SOCS5: variants seen among roughly 807,000 people sequenced by gnomAD.
The protein encoded by SOCS5 is CIS-6.
In SOCS5, 32 loss-of-function variants were observed where a neutral mutation model predicts 42.8. The ratio of observed to expected loss-of-function variants is 0.75; its 90% CI spans 0.56 to 1.01. The LOEUF (loss-of-function observed/expected upper bound fraction) is 1.01, where lower values mean the gene tolerates loss of function less well. Among genes scored for constraint, SOCS5 ranks in the 50% least tolerant of loss-of-function variants. SOCS5 has a pLI of 0.00. For synonymous variants in SOCS5, 283 were observed against 229.6 expected (o/e 1.23, Z -2.10); for missense variants, 627 against 653.0 (o/e 0.96, Z 0.43).
intron 1 of SOCS5, among the ~76,000 whole-genome samples, chr2:46,707,906 A>G (rs905593379): frequency 1.3e-5 from 2 of 152,258 alleles, no homozygotes; most frequent in African/African-American, 4.8e-5. Flanking sequence ...TGCTCAGAGC[A>G]CTTGCATTAG....
At chr2:46,725,448 C>G (rs1396588992) in intron 1 of SOCS5, among the ~76,000 whole-genome samples, 3 of 151,956 alleles carry the variant, frequency 2.0e-5, no homozygotes, top group African/African-American at 4.8e-5. Context: ...TCTTTTCCCC[C>G]TTCCTGCTGT....
At chr2:46,747,186 G>C (rs886117963) in intron 1 of SOCS5, among the ~76,000 whole-genome samples, 1 of 151,896 alleles carries the variant, frequency 6.6e-6, no homozygotes, top group African/African-American at 2.4e-5. Flanking sequence ...TTTCTTCTTA[G>C]TTTTTAAATT....
chr2:46,706,116 T>C (rs560943152), intron 1 of SOCS5, among the ~76,000 whole-genome samples: 2 of 152,336 alleles, frequency 1.3e-5, no homozygotes, highest in African/African-American at 4.8e-5. Flanking sequence ...ATAAAAATTA[T>C]AAAGGGGTTA....
At chr2:46,747,944 T>A (rs543070863) in intron 1 of SOCS5, among the ~76,000 whole-genome samples, 199 of 152,320 alleles carry the variant, frequency 1.3e-3, no homozygotes, top group Middle Eastern at 3.4e-3. Context: ...AAACTAAAGA[T>A]TTCTTGATTG....
At chr2:46,740,040 T>A (rs1440411608) in intron 1 of SOCS5, among the ~76,000 whole-genome samples, 1 of 152,228 alleles carries the variant, frequency 6.6e-6, no homozygotes, top group East Asian at 1.9e-4. Flanking sequence ...TATACTAGAA[T>A]TCTAGGGAAC....
intron 1 of SOCS5, among the ~76,000 whole-genome samples, chr2:46,701,241 C>T (rs1414687742): frequency 6.6e-6 from 1 of 152,200 alleles, no homozygotes. Context: ...TCCCCTATCA[C>T]CTTTGTTTAG....
Position 46,761,970 on chromosome 2 carries a change from C to G in SOCS5, c.*1829C>G, listed in dbSNP as rs1444081632. On this transcript the variant is annotated 3_prime_UTR_variant, in exon 2 of 2. Transcript: ENST00000394861. ...GAGTATCTGTAACCTCCCACTGCAT[C>G]AGAAGCAGGTTAAATGAAGTCTTGT... 6.0e-6 allele frequency: 1 copy of G among 166,942 alleles called. No individual in the cohort carries two copies. The highest frequency in any genetic ancestry group is 1.5e-5 in the Non-Finnish European group (1 of 68,048). 10.3% of individuals were successfully genotyped at this position (166,942 alleles called of 1,614,324 possible). A position where few individuals can be genotyped will look rare whatever the true frequency, so the allele number is the denominator to read the frequency against.
At chr2:46,702,648 C>T (rs1231882844) in intron 1 of SOCS5, among the ~76,000 whole-genome samples, 1 of 152,142 alleles carries the variant, frequency 6.6e-6, no homozygotes, top group African/African-American at 2.4e-5. Context: ...TTCTATTAAA[C>T]GAATATTTTG....
chr2:46,746,361 A>G (rs1464255141), intron 1 of SOCS5, among the ~76,000 whole-genome samples: 1 of 152,070 alleles, frequency 6.6e-6, no homozygotes. Flanking sequence ...TGGAGTATAG[A>G]AATATTCCAT....
intron 1 of SOCS5, among the ~76,000 whole-genome samples, chr2:46,727,974 C>T (rs562648696): frequency 6.6e-6 from 1 of 152,296 alleles, no homozygotes; most frequent in South Asian, 2.1e-4. Context: ...TGCCTACTCT[C>T]TTGAAACAAC....
At chr2:46,741,134 T>A (rs1192231908) in intron 1 of SOCS5, among the ~76,000 whole-genome samples, 1 of 152,226 alleles carries the variant, frequency 6.6e-6, no homozygotes, top group African/African-American at 2.4e-5. Context: ...TTGCTTCATC[T>A]TTAAAAAGTT....
intron 1 of SOCS5, among the ~76,000 whole-genome samples, chr2:46,714,184 C>T (rs1370428740): frequency 2.0e-5 from 3 of 152,200 alleles, no homozygotes; most frequent in Non-Finnish European, 4.4e-5. Flanking sequence ...TTATATCTTA[C>T]ATCTTTACTG....
intron 1 of SOCS5, among the ~76,000 whole-genome samples, chr2:46,730,706 A>G (rs4952843): frequency 0.28 from 43,171 of 152,178 alleles, 7,409 homozygotes; most frequent in Non-Finnish European, 0.38. Context: ...TTCCTAGAAG[A>G]CATTTTATAT....
intron 1 of SOCS5, among the ~76,000 whole-genome samples, chr2:46,728,170 G>C (rs1673038639): frequency 6.6e-6 from 1 of 152,068 alleles, no homozygotes. Context: ...GATACAAGAG[G>C]AGAAAAAAGT....
intron 1 of SOCS5, among the ~76,000 whole-genome samples, chr2:46,713,183 C>G (rs569728232): frequency 6.6e-6 from 1 of 152,076 alleles, no homozygotes; most frequent in Admixed American, 6.5e-5. Flanking sequence ...TAGGCAGACC[C>G]CATCTCTACC....
chr2:46,729,447 T>C (rs1258297598), intron 1 of SOCS5, among the ~76,000 whole-genome samples: 1 of 152,208 alleles, frequency 6.6e-6, no homozygotes, highest in Non-Finnish European at 1.5e-5. Context: ...TAGCGTACTA[T>C]ACACCTAGGC....
intron 1 of SOCS5, among the ~76,000 whole-genome samples, chr2:46,737,502 CAAT>C (rs1673279647): frequency 6.6e-6 from 1 of 152,064 alleles, no homozygotes; most frequent in Non-Finnish European, 1.5e-5. Flanking sequence ...AGTTTGGTGA[CAAT>C]AATTATTTTT....
intron 1 of SOCS5, among the ~76,000 whole-genome samples, chr2:46,706,961 T>C (rs1182071547): frequency 6.6e-6 from 1 of 152,154 alleles, no homozygotes; most frequent in African/African-American, 2.4e-5. Flanking sequence ...ATTATAAGGA[T>C]CACGTGAGTA....
intron 1 of SOCS5, among the ~76,000 whole-genome samples, chr2:46,732,358 A>T (rs998352317): frequency 2.9e-4 from 44 of 152,086 alleles, no homozygotes; most frequent in African/African-American, 1.0e-3. Context: ...TTGCCGAATG[A>T]GTGTAGTAAT....
Sources: allele counts gnomAD v4.1 joint callset (sites outside exome capture counted in the v4.1 genomes callset), GRCh38; gene constraint gnomAD v4.1.1; transcripts MANE v1.5; gene names NCBI Gene and HGNC (gene_info 2026-07-23, HGNC 2026-07-21).